Variants in UGT2B28 observed in about 807,000 individuals in gnomAD.
UGT2B28 encodes the protein UDP glucuronosyltransferase family 2 member B28.
Under a neutral mutation model 43.6 loss-of-function variants are expected in UGT2B28, and 45 were observed. The ratio of observed to expected loss-of-function variants is 1.03; its 90% CI spans 0.81 to 1.32. UGT2B28 has a LOEUF of 1.32. Ranked by LOEUF, UGT2B28 falls within the 40% of genes most tolerant of loss-of-function variation. The pLI is 0.00. For synonymous variants in UGT2B28, 204 were observed against 208.1 expected, an observed-to-expected ratio of 0.98 and a Z score of 0.17; for missense variants, 649 against 625.5, an observed-to-expected ratio of 1.04 and a Z score of -0.40.
rs868632662 is a variant in UGT2B28 at position 69,281,932 on chromosome 4, C to G, written c.722-582C>G. Among the ~76,000 whole-genome samples, 30 of 140,044 alleles carry G rather than the reference C, an allele frequency of 2.1e-4. 3 individuals are homozygous for G. The highest frequency in any genetic ancestry group is 8.1e-4 in the African/African-American group (29 of 35,898). The allele number at this position is 140,044 out of a possible 152,430, so 91.9% of individuals were successfully genotyped here. ...ACAGATCTCTATTTCAATAATTTCT[C>G]AAAAATTTCTAGCTATAATTTACAA... On this transcript the variant is annotated intron_variant, in intron 1 of 5. Coordinates refer to ENST00000335568, the MANE Select transcript of UGT2B28 (RefSeq NM_053039.2).
Position 69,280,558 on chromosome 4 carries a change from T to C in UGT2B28, c.58T>C (p.Ser20Pro), listed in dbSNP as rs764104704. 2 of 1,560,312 alleles carry C rather than the reference T, an allele frequency of 1.3e-6. 1 individual carries two copies. Among genetic ancestry groups the C allele is most frequent in the Non-Finnish European group, 1.7e-6 (2 of 1,155,658 alleles). ...LLIHLGCYFS[S>P]GSCGKVLVWT... ...GATACATCTCGGTTGTTACTTTAGC[T>C]CTGGGAGTTGTGGAAAGGTGCTGGT... Residue 20 changes from serine to proline, a missense_variant, in exon 1 of 6, where the codon TCT becomes CCT. By Grantham distance (74) the Ser-to-Pro change is moderately conservative. Coordinates refer to ENST00000335568, the MANE Select transcript of UGT2B28 (RefSeq NM_053039.2).
rs1349765125 is a variant in UGT2B28 at position 69,280,482 on chromosome 4, A to G, written c.-19A>G. The G allele has an allele frequency of 1.4e-5, 22 of 1,540,534 alleles. 3 individuals are homozygous for G. The highest frequency in any genetic ancestry group is 1.2e-4 in the Admixed American group (6 of 51,994). ...AGAAAGAAACAGTGACTTGAAAAGA[A>G]TGATTGCATTGCACCAGGATGGCTC... On this transcript the variant is annotated 5_prime_UTR_variant, in exon 1 of 6. It removes an upstream start codon present in the reference 5' UTR. Coordinates refer to ENST00000335568, the MANE Select transcript of UGT2B28 (RefSeq NM_053039.2).
At position 69,281,643 on chromosome 4, in the gene UGT2B28, T is replaced by G. The variant is rs1723613994; in HGVS notation, c.721+422T>G. On this transcript the variant is annotated intron_variant, in intron 1 of 5. Coordinates refer to ENST00000335568, the MANE Select transcript of UGT2B28 (RefSeq NM_053039.2). Reference sequence around the variant, plus strand: ...AAAGTTTTCCTTGTAAACCTCAGTTTTCTTTTTTAGGTATTAAAAGATATT... The same window carrying G: ...AAAGTTTTCCTTGTAAACCTCAGTTGTCTTTTTTAGGTATTAAAAGATATT... Among the ~76,000 whole-genome samples the G allele has an allele frequency of 1.4e-5, 2 of 140,894 alleles. 1 individual carries two copies. The highest frequency in any genetic ancestry group is 5.5e-5 in the African/African-American group (2 of 36,222). The allele number at this position is 140,894 out of a possible 152,430, so 92.4% of individuals were successfully genotyped here. A position where few individuals can be genotyped will look rare whatever the true frequency, so the allele number is the denominator to read the frequency against.
chr4:69,280,589 C>T lies in UGT2B28; in HGVS notation c.89C>T (p.Thr30Ile), dbSNP rs778371702. The change falls in exon 1 of 6, where the codon ACC becomes ATC. Residue 30 changes from threonine (T) to isoleucine (I), a missense_variant. Physicochemically the swap from Thr to Ile is moderately conservative, Grantham distance 89 (BLOSUM62 -1). Coordinates refer to ENST00000335568, the MANE Select transcript of UGT2B28 (RefSeq NM_053039.2). ...AGTTGTGGAAAGGTGCTGGTGTGGA[C>T]CGGTGAATACAGCCATTGGATGAAT... Reference protein sequence around the residue: ...SGSCGKVLVWTGEYSHWMNMK... With the variant: ...SGSCGKVLVWIGEYSHWMNMK... 1.9e-6 allele frequency: 3 copies of T among 1,560,268 alleles called. No individual in the cohort carries two copies. Among genetic ancestry groups the T allele is most frequent in the African/African-American group, 1.5e-5 (1 of 65,962 alleles).
In UGT2B28 at chr4:69,284,947, T is replaced by G. The variant is rs188970693; in HGVS notation, c.871-1805T>G. 5.6e-3 allele frequency among the ~76,000 whole-genome samples: 787 copies of G among 140,314 alleles called. 170 individuals are homozygous for G. Among genetic ancestry groups the G allele is most frequent in the African/African-American group, 0.021 (756 of 36,060 alleles). The allele number at this position is 140,314 out of a possible 152,430, so 92.1% of individuals were successfully genotyped here. A position where few individuals can be genotyped will look rare whatever the true frequency, so the allele number is the denominator to read the frequency against. On this transcript the variant is annotated intron_variant, in intron 2 of 5. Coordinates refer to ENST00000335568, the MANE Select transcript of UGT2B28 (RefSeq NM_053039.2). Reference sequence around the variant, plus strand: ...CATAAAAAAATCAAGTTGTACCTATTAAACATTATGGAAAATATTCACAAA... The same window carrying G: ...CATAAAAAAATCAAGTTGTACCTATGAAACATTATGGAAAATATTCACAAA...
intron 2 of UGT2B28, among the ~76,000 whole-genome samples, chr4:69,283,401 A>T (rs2109684394): frequency 7.1e-6 from 1 of 140,498 alleles, no homozygotes; most frequent in African/African-American, 2.8e-5. Context: ...AGAAATAAAT[A>T]TATATGAAAC....
At chr4:69,287,988 T>A (rs767553771) in intron 3 of UGT2B28, among the ~76,000 whole-genome samples, 1 of 140,516 alleles carries the variant, frequency 7.1e-6, no homozygotes, top group Non-Finnish European at 1.5e-5. Flanking sequence ...AAAATAAGAA[T>A]GTCTTGGCTA....
At position 69,281,184 on chromosome 4, in the gene UGT2B28, T is replaced by C. The variant is rs138591037; in HGVS notation, c.684T>C (p.Asp228=). The C allele has an allele frequency of 1.3e-3, 1,987 of 1,542,788 alleles. 279 individuals are homozygous for C. Among genetic ancestry groups the C allele is most frequent in the South Asian group, 2.3e-3 (181 of 80,258 alleles). Residue 228 remains aspartate (D), a synonymous_variant, in exon 1 of 6, where the codon GAT becomes GAC. Coordinates refer to ENST00000335568, the MANE Select transcript of UGT2B28 (RefSeq NM_053039.2). ...LYFDFWFQMC[D]MKKWDQFYSE... is the part of the protein sequence containing the mutation. ...TTGACTTTTGGTTCCAAATGTGTGA[T>C]ATGAAGAAGTGGGATCAGTTTTACA...
Position 69,294,692 on chromosome 4 carries a change from G to T in UGT2B28, c.1473G>T (p.Leu491Phe), listed in dbSNP as rs1426080999. 7 of 1,559,948 alleles carry T rather than the reference G, an allele frequency of 4.5e-6. 2 individuals are homozygous for T. The highest frequency in any genetic ancestry group is 6.1e-6 in the Non-Finnish European group (7 of 1,155,428). The change falls in exon 6 of 6, where the codon TTG (leucine) becomes TTT (phenylalanine). Residue 491 changes from leucine to phenylalanine, a missense_variant. Physicochemically the swap from Leu to Phe is conservative, Grantham distance 22. Transcript: ENST00000335568. ...TCACCTGGTTCCAGTACCACTCTTT[G>T]GATGTGATTGGGTTTCTGCTGGCCT... ...RDLTWFQYHS[L>F]DVIGFLLACV...
chr4:69,290,359 T>G (rs181887988), intron 4 of UGT2B28, among the ~76,000 whole-genome samples: 1 of 140,258 alleles, frequency 7.1e-6, no homozygotes, highest in Non-Finnish European at 1.5e-5. Context: ...AATGCACTTT[T>G]CATTAGTCCC....
Position 69,291,701 on chromosome 4 carries a change from C to T in UGT2B28, c.1310+890C>T, listed in dbSNP as rs555715751. On this transcript the variant is annotated intron_variant, in intron 5 of 5. Transcript: ENST00000335568. ...CTACTAAGAATATTGCTATACATGT[C>T]TTTGCATAAACATGTTTTACTTTCT... 2.3e-5 allele frequency among the ~76,000 whole-genome samples: 3 copies of T among 131,850 alleles called. No individual in the cohort carries two copies. In the South Asian group the frequency reaches 7.8e-4, roughly 34 times the overall value. The allele number at this position is 131,850 out of a possible 152,430, so 86.5% of individuals were successfully genotyped here. A position where few individuals can be genotyped will look rare whatever the true frequency, so the allele number is the denominator to read the frequency against.
intron 5 of UGT2B28, among the ~76,000 whole-genome samples, chr4:69,292,510 A>C (rs1723983508): frequency 7.1e-6 from 1 of 141,316 alleles, no homozygotes. Context: ...GTGATTATAC[A>C]AATACTTTCA....
intron 5 of UGT2B28, among the ~76,000 whole-genome samples, chr4:69,294,115 A>G (rs2109699437): frequency 7.1e-6 from 1 of 140,476 alleles, no homozygotes; most frequent in East Asian, 2.0e-4. Context: ...GATTGTTCAT[A>G]ATACAAAGGA....
rs1347187414 is a variant in UGT2B28, at chr4:69,283,153, G to A, written c.870+491G>A. Among the ~76,000 whole-genome samples, 4 of 139,850 alleles carry A rather than the reference G, an allele frequency of 2.9e-5. 1 individual carries two copies. Among genetic ancestry groups the A allele is most frequent in the Non-Finnish European group, 6.1e-5 (4 of 65,558 alleles). 91.7% of individuals were successfully genotyped at this position (139,850 alleles called of 152,430 possible). ...TGGAGATAATAGAAAGTATCCTGGA[G>A]TCATGGATTAGTAAGATGAGAGCTG... On this transcript the variant is annotated intron_variant, in intron 2 of 5. Coordinates refer to ENST00000335568, the MANE Select transcript of UGT2B28 (RefSeq NM_053039.2).
intron 3 of UGT2B28, among the ~76,000 whole-genome samples, chr4:69,288,910 A>C (rs1166210119): frequency 1.4e-5 from 2 of 140,396 alleles, no homozygotes; most frequent in Non-Finnish European, 3.0e-5. Flanking sequence ...TATCCCTGCA[A>C]AATACATATT....
chr4:69,286,271 G>A (rs1212660133), intron 2 of UGT2B28, among the ~76,000 whole-genome samples: 1 of 141,474 alleles, frequency 7.1e-6, no homozygotes, highest in Non-Finnish European at 1.5e-5. Flanking sequence ...CTTTTCCTCA[G>A]TGCTCATATT....
At position 69,281,313 on chromosome 4, in the gene UGT2B28, A is replaced by G. The variant is rs1577991064; in HGVS notation, c.721+92A>G. On this transcript the variant is annotated intron_variant, in intron 1 of 5. Transcript: ENST00000335568. The stretch of plus-strand genomic sequence containing the variant: ...TAAAGCCATAAAGTCAGGGAAGTGG[A>G]GTTTTTGGTAAGTGAATTTATGAAA... 1.5e-6 allele frequency: 2 copies of G among 1,325,816 alleles called. 1 individual carries two copies. Among genetic ancestry groups the G allele is most frequent in the Non-Finnish European group, 2.0e-6 (2 of 1,021,284 alleles). 82.1% of individuals were successfully genotyped at this position (1,325,816 alleles called of 1,614,324 possible).
At position 69,286,752 on chromosome 4, in the gene UGT2B28, GAA is replaced by G; in HGVS notation, c.873_874del (p.Glu291AspfsTer10). 1 of 1,551,922 alleles carries G rather than the reference GAA, an allele frequency of 6.4e-7. No individual in the cohort carries two copies. Among genetic ancestry groups the G allele is most frequent in the South Asian group, 1.2e-5 (1 of 83,484 alleles). The part of the protein sequence containing the change: ...HCKPAKPLPK[E>X]MEEFVQSSGE... ...GTGATTAAACAATTTTTTTTCACAGGAAATGGAGGAATTTGTACAGAGCTCTG... is the reference window on the plus strand; with the variant it reads ...GTGATTAAACAATTTTTTTTCACAGGATGGAGGAATTTGTACAGAGCTCTG... On this transcript the variant is annotated frameshift_variant and splice_region_variant, in exon 3 of 6. Coordinates refer to ENST00000335568, the MANE Select transcript of UGT2B28 (RefSeq NM_053039.2). LOFTEE classifies it high-confidence loss of function.
rs1353771005 is a variant in UGT2B28, at chr4:69,286,850, A to T, written c.969A>T (p.Val323=). 4 of 1,556,564 alleles carry T rather than the reference A, an allele frequency of 2.6e-6. No individual in the cohort carries two copies. The South Asian group carries it at 4.8e-5, about 18-fold the overall frequency. The change falls in exon 3 of 6, where the codon GTA becomes GTT. Residue 323 remains valine (V), a synonymous_variant. Transcript: ENST00000335568. The part of the protein sequence containing the change: ...ISNMTAERAN[V]IATALAKIPQ... ...ACATGACAGCAGAAAGGGCCAACGT[A>T]ATTGCAACAGCCCTTGCCAAGATCC...
Sources: gnomAD v4.1 joint callset for allele counts (sites outside exome capture counted in the v4.1 genomes callset) on GRCh38, gnomAD v4.1.1 for gene constraint, MANE v1.5 for transcripts, NCBI Gene and HGNC (gene_info 2026-07-23, HGNC 2026-07-21) for gene names.